Variants in ADGRB3 observed in about 807,000 individuals in gnomAD.
ADGRB3 encodes adhesion G protein-coupled receptor B3.
A neutral mutation model predicts 193.4 loss-of-function variants in ADGRB3; 37 were observed. The observed-to-expected ratio is 0.19, with a 90% CI of 0.15 to 0.25. The LOEUF (loss-of-function observed/expected upper bound fraction) is 0.25, where lower values mean the gene tolerates loss of function less well. Ranked by LOEUF, ADGRB3 falls within the 10% of genes least tolerant of loss-of-function variation. The probability of loss-of-function intolerance (pLI) is 1.00; values close to 1 mark genes in which losing one functional copy is unlikely to be tolerated. For synonymous variants in ADGRB3, 690 were observed against 644.2 expected (o/e 1.07, Z -1.08); for missense variants, 1,637 against 1,852.9 (o/e 0.88, Z 2.14).
chr6:68,868,198 G>T (rs1765357439), intron 3 of ADGRB3, among the ~76,000 whole-genome samples: 1 of 152,100 alleles, frequency 6.6e-6, no homozygotes, highest in African/African-American at 2.4e-5. Flanking sequence ...GGATCATGGG[G>T]GAGGTTTCCC....
chr6:68,637,557 A>G lies in ADGRB3; in HGVS notation c.-21A>G, dbSNP rs868433090. ...TCAAGTTATTTTTGGATAACAACTT[A>G]CAGAGGTAAATATAACCAAGGACTA... On this transcript the variant is annotated 5_prime_UTR_variant, in exon 2 of 32. Transcript: ENST00000370598. The G allele has an allele frequency of 6.5e-6, 1 of 152,672 alleles. No individual in the cohort carries two copies. Among genetic ancestry groups the G allele is most frequent in the South Asian group, 2.1e-4 (1 of 4,838 alleles). The allele number at this position is 152,672 out of a possible 1,614,324, so 9.5% of individuals were successfully genotyped here. A position where few individuals can be genotyped will look rare whatever the true frequency, so the allele number is the denominator to read the frequency against.
intron 20 of ADGRB3, among the ~76,000 whole-genome samples, chr6:69,286,147 T>C (rs1032323616): frequency 7.9e-5 from 12 of 152,280 alleles, no homozygotes; most frequent in Non-Finnish European, 1.8e-4. Context: ...AGTCTGGCAT[T>C]GGCTACTTTT....
intron 20 of ADGRB3, among the ~76,000 whole-genome samples, chr6:69,290,862 G>A (rs1767651567): frequency 6.6e-6 from 1 of 151,758 alleles, no homozygotes; most frequent in Admixed American, 6.6e-5. Context: ...AGTACATAAG[G>A]TCAACCTTTA....
intron 17 of ADGRB3, among the ~76,000 whole-genome samples, chr6:69,145,325 A>G (rs1363578251): frequency 6.6e-6 from 1 of 152,206 alleles, no homozygotes; most frequent in Non-Finnish European, 1.5e-5. Flanking sequence ...GCAAGGCTGC[A>G]GCTGGACAAG....
chr6:69,001,276 AC>A (rs1044318195), intron 11 of ADGRB3, among the ~76,000 whole-genome samples: 3 of 152,180 alleles, frequency 2.0e-5, no homozygotes, highest in African/African-American at 2.4e-5. Flanking sequence ...CATTAGAAAA[AC>A]CTTCCTGTCT....
At chr6:68,986,904 G>A (rs1461619060) in intron 10 of ADGRB3, among the ~76,000 whole-genome samples, 3 of 152,052 alleles carry the variant, frequency 2.0e-5, no homozygotes, top group Non-Finnish European at 2.9e-5. Context: ...TAGGAGGCTT[G>A]AAATGAAAAG....
chr6:68,944,562 A>T (rs1241178369), intron 6 of ADGRB3, among the ~76,000 whole-genome samples: 1 of 152,064 alleles, frequency 6.6e-6, no homozygotes, highest in Non-Finnish European at 1.5e-5. Context: ...TAAATTTTTA[A>T]TTTTAAATTT....
intron 17 of ADGRB3, among the ~76,000 whole-genome samples, chr6:69,096,378 T>G (rs1772876406): frequency 7.2e-6 from 1 of 139,494 alleles, no homozygotes. Context: ...TTTTTTTTTT[T>G]GCTTATCTTT....
chr6:69,065,511 T>G (rs1156767567), intron 16 of ADGRB3, among the ~76,000 whole-genome samples: 1 of 152,138 alleles, frequency 6.6e-6, no homozygotes, highest in Non-Finnish European at 1.5e-5. Context: ...AAAATTAGAT[T>G]TTGTGAAATA....
intron 20 of ADGRB3, among the ~76,000 whole-genome samples, chr6:69,252,146 A>G (rs775961666): frequency 4.6e-5 from 7 of 152,178 alleles, no homozygotes; most frequent in Non-Finnish European, 8.8e-5. Context: ...TATACAAATG[A>G]AATCATAGCA....
chr6:69,169,601 G>C (rs924183274), intron 17 of ADGRB3, among the ~76,000 whole-genome samples: 3 of 150,808 alleles, frequency 2.0e-5, no homozygotes, highest in Non-Finnish European at 4.4e-5. Flanking sequence ...ATAATTAAAT[G>C]ATATAAATTA....
At chr6:68,801,637 T>C (rs1444180114) in intron 3 of ADGRB3, among the ~76,000 whole-genome samples, 1 of 151,922 alleles carries the variant, frequency 6.6e-6, no homozygotes, top group African/African-American at 2.4e-5. Flanking sequence ...TACGGTGAGC[T>C]GAGATCCTGC....
At chr6:68,973,726 A>G (rs1046943380) in intron 8 of ADGRB3, among the ~76,000 whole-genome samples, 4 of 152,218 alleles carry the variant, frequency 2.6e-5, no homozygotes, top group Non-Finnish European at 5.9e-5. Context: ...AGACCCAAAC[A>G]AGATCCCTAG....
intron 11 of ADGRB3, among the ~76,000 whole-genome samples, chr6:69,002,222 C>CTTTTTTT (rs11284011): frequency 7.2e-6 from 1 of 138,504 alleles, no homozygotes; most frequent in Non-Finnish European, 1.6e-5. Flanking sequence ...CATCTTTTAT[C>CTTTTTTT]TTTTTTTTTT....
chr6:69,237,063 G>A (rs1028009981), intron 19 of ADGRB3, among the ~76,000 whole-genome samples: 1 of 151,986 alleles, frequency 6.6e-6, no homozygotes, highest in Non-Finnish European at 1.5e-5. Flanking sequence ...TGAATTAAAT[G>A]CAGTTTATAA....
intron 3 of ADGRB3, among the ~76,000 whole-genome samples, chr6:68,711,545 C>T (rs1765408898): frequency 6.6e-6 from 1 of 152,050 alleles, no homozygotes; most frequent in South Asian, 2.1e-4. Context: ...TGACTTTCTG[C>T]ATAAATGGTC....
chr6:69,338,892 TG>T, intron 24 of ADGRB3, 23 bp from the exon 25 acceptor site: 1 of 1,597,980 alleles, frequency 6.3e-7, no homozygotes, highest in Non-Finnish European at 8.5e-7. Flanking sequence ...TTGTTCTTTT[TG>T]TGGGTGTTCT....
At chr6:69,115,959 G>T (rs1281494870) in intron 17 of ADGRB3, among the ~76,000 whole-genome samples, 1 of 151,672 alleles carries the variant, frequency 6.6e-6, no homozygotes, top group East Asian at 1.9e-4. Context: ...TAAGGAATTG[G>T]TTTGCACAAT....
intron 17 of ADGRB3, among the ~76,000 whole-genome samples, chr6:69,143,335 T>C (rs1309376522): frequency 2.0e-5 from 3 of 152,210 alleles, no homozygotes; most frequent in Non-Finnish European, 4.4e-5. Context: ...TTCTTTGGGT[T>C]GTCTCTTCAC....
Sources: gnomAD v4.1 joint callset for allele counts (sites outside exome capture counted in the v4.1 genomes callset) on GRCh38, gnomAD v4.1.1 for gene constraint, MANE v1.5 for transcripts, NCBI Gene and HGNC (gene_info 2026-07-23, HGNC 2026-07-21) for gene names.